CACNA2D3: variants seen among roughly 807,000 people sequenced by gnomAD.
CACNA2D3 encodes calcium voltage-gated channel auxiliary subunit alpha2delta 3.
Under a neutral mutation model 160.6 loss-of-function variants are expected in CACNA2D3, and 60 were observed. The ratio of observed to expected loss-of-function variants is 0.37; its 90% confidence interval spans 0.30 to 0.46. The LOEUF is 0.46. Ranked by LOEUF, CACNA2D3 falls within the 20% of genes least tolerant of loss-of-function variation. The probability of loss-of-function intolerance (pLI) is 1.00; values close to 1 mark genes in which losing one functional copy is unlikely to be tolerated. For missense variants in CACNA2D3, 1,205 were observed against 1,365.0 expected (o/e 0.88, Z 1.85); for synonymous variants, 558 against 492.9 (o/e 1.13, Z -1.75).
intron 35 of CACNA2D3, among the ~76,000 whole-genome samples, chr3:55,061,127 G>T (rs1704496592): frequency 6.6e-6 from 1 of 152,248 alleles, no homozygotes; most frequent in Admixed American, 6.5e-5. Context: ...ACACTGCCCT[G>T]CAGGCAAAGC....
chr3:54,513,057 A>T (rs184965226), intron 5 of CACNA2D3, among the ~76,000 whole-genome samples: 1 of 152,036 alleles, frequency 6.6e-6, no homozygotes, highest in African/African-American at 2.4e-5. Context: ...CCATGATTCA[A>T]TTTCCTCCCC....
At position 54,208,320 on chromosome 3, in the gene CACNA2D3, C is replaced by T. The variant is rs192872325; in HGVS notation, c.204+84726C>T. Among the ~76,000 whole-genome samples the T allele has an allele frequency of 1.2e-4, 19 of 152,230 alleles. No homozygotes were observed. In the East Asian group the frequency reaches 3.5e-3, roughly 28 times the overall value. ...ATGAGGTTTTACCATGTTGGTAAGG[C>T]TGGTCTCAAACTCCTGACCTCAAGT... On this transcript the variant is annotated intron_variant, in intron 2 of 37. Transcript: ENST00000474759.
In CACNA2D3 at chr3:55,009,294, G is replaced by A. The variant is rs78021310; in HGVS notation, c.2820-94G>A. The A allele has an allele frequency of 1.7e-4, 181 of 1,058,580 alleles. 1 individual carries two copies. The East Asian group carries it at 4.1e-3, about 24-fold the overall frequency. 65.6% of individuals were successfully genotyped at this position (1,058,580 alleles called of 1,614,324 possible). ...TCTCCAAATTGTGATGTTCTCAAATGAGGTAAGCGATGCCAAAGAATACAG... is the reference window on the plus strand; with the variant it reads ...TCTCCAAATTGTGATGTTCTCAAATAAGGTAAGCGATGCCAAAGAATACAG... On this transcript the variant is annotated intron_variant, in intron 33 of 37. Coordinates refer to ENST00000474759, the MANE Select transcript of CACNA2D3 (RefSeq NM_018398.3).
At chr3:54,284,665 G>C (rs1702964764) in intron 2 of CACNA2D3, among the ~76,000 whole-genome samples, 1 of 152,170 alleles carries the variant, frequency 6.6e-6, no homozygotes, top group African/African-American at 2.4e-5. Context: ...ATGAATTTTG[G>C]TGGAATAGAG....
chr3:54,657,596 T>C (rs1214321690), intron 11 of CACNA2D3, among the ~76,000 whole-genome samples: 1 of 152,224 alleles, frequency 6.6e-6, no homozygotes, highest in African/African-American at 2.4e-5. Flanking sequence ...CTGACTATTT[T>C]AGATGCCAGG....
intron 27 of CACNA2D3, chr3:54,966,873 C>G (rs1702164541): frequency 6.6e-6 from 1 of 152,232 alleles, no homozygotes; most frequent in African/African-American, 2.4e-5. Context: ...ATATTTCTCT[C>G]TAACTGCTGA....
intron 13 of CACNA2D3, among the ~76,000 whole-genome samples, chr3:54,804,696 C>A (rs778228715): frequency 2.0e-5 from 3 of 152,092 alleles, no homozygotes; most frequent in Non-Finnish European, 4.4e-5. Context: ...CTGCACCAAG[C>A]GGACCTAATA....
chr3:54,510,388 A>G (rs911382227), intron 5 of CACNA2D3, among the ~76,000 whole-genome samples: 14 of 152,226 alleles, frequency 9.2e-5, no homozygotes, highest in African/African-American at 2.9e-4. Context: ...GGGGACCACC[A>G]TTCTCCAAGG....
chr3:54,172,230 G>C (rs1489667444), intron 2 of CACNA2D3, among the ~76,000 whole-genome samples: 1 of 152,194 alleles, frequency 6.6e-6, no homozygotes, highest in African/African-American at 2.4e-5. Context: ...ACATTGAAAG[G>C]TGTTCATTTG....
intron 2 of CACNA2D3, among the ~76,000 whole-genome samples, chr3:54,304,734 C>A (rs1440179711): frequency 3.3e-5 from 5 of 152,098 alleles, no homozygotes; most frequent in African/African-American, 1.2e-4. Flanking sequence ...AATGAGCCTG[C>A]CTGGATTTGA....
rs9844238 is a variant in CACNA2D3, at chr3:54,257,256, G to T, written c.205-63186G>T. 3.9e-3 allele frequency among the ~76,000 whole-genome samples: 600 copies of T among 152,292 alleles called. 4 individuals carry two copies. Among genetic ancestry groups the T allele is most frequent in the African/African-American group, 0.011 (471 of 41,574 alleles). On this transcript the variant is annotated intron_variant, in intron 2 of 37. Transcript: ENST00000474759. The stretch of plus-strand genomic sequence containing the variant: ...TGGTAGCCATCAGAGCAGTCCGTCA[G>T]CTCAGAAGGCACCAGAACTGTCCCC...
chr3:54,712,598 C>G (rs764371661), intron 11 of CACNA2D3, among the ~76,000 whole-genome samples: 3 of 152,218 alleles, frequency 2.0e-5, no homozygotes, highest in Non-Finnish European at 2.9e-5. Flanking sequence ...GAGGCCTCTC[C>G]AGCCACGTGG....
intron 4 of CACNA2D3, among the ~76,000 whole-genome samples, chr3:54,501,943 G>A (rs1318226533): frequency 2.6e-5 from 4 of 152,142 alleles, no homozygotes; most frequent in African/African-American, 9.7e-5. Flanking sequence ...CTTTTTAAGT[G>A]GTTCACTCCA....
At chr3:54,339,590 G>GT (rs1316634415) in intron 3 of CACNA2D3, among the ~76,000 whole-genome samples, 1 of 152,208 alleles carries the variant, frequency 6.6e-6, no homozygotes, top group Non-Finnish European at 1.5e-5. Flanking sequence ...ACCCAGGATA[G>GT]TGCCTCCTGT....
chr3:54,182,929 G>A (rs1360565830), intron 2 of CACNA2D3, among the ~76,000 whole-genome samples: 2 of 152,186 alleles, frequency 1.3e-5, no homozygotes, highest in Non-Finnish European at 2.9e-5. Context: ...TGGGTGGAAA[G>A]CCTATTTCTG....
intron 4 of CACNA2D3, among the ~76,000 whole-genome samples, chr3:54,479,172 C>T (rs138355043): frequency 0.019 from 2,949 of 152,142 alleles, 77 homozygotes; most frequent in East Asian, 0.11. Flanking sequence ...CCCCTTTGCT[C>T]GGCACTTCTC....
intron 2 of CACNA2D3, among the ~76,000 whole-genome samples, chr3:54,233,081 A>T (rs927697837): frequency 6.6e-6 from 1 of 152,172 alleles, no homozygotes; most frequent in African/African-American, 2.4e-5. Context: ...GGGTGTGTTC[A>T]GGAAGGCCCC....
At chr3:54,871,875 G>A (rs1045782720) in intron 18 of CACNA2D3, among the ~76,000 whole-genome samples, 13 of 152,186 alleles carry the variant, frequency 8.5e-5, no homozygotes, top group African/African-American at 2.4e-4. Flanking sequence ...CCCTGCGGAC[G>A]CTGGTCCCCT....
At chr3:54,320,679 C>G (rs1390975430) in intron 3 of CACNA2D3, 121 bp downstream of exon 3, 2 of 540,010 alleles carry the variant, frequency 3.7e-6, no homozygotes, top group East Asian at 3.3e-5. Context: ...TACGTAAATA[C>G]TTTTATTTTT....
Sources: allele counts gnomAD v4.1 joint callset (sites outside exome capture counted in the v4.1 genomes callset), GRCh38; gene constraint gnomAD v4.1.1; transcripts MANE v1.5; gene names NCBI Gene and HGNC (gene_info 2026-07-23, HGNC 2026-07-21).